The following CBLN2 variants were observed in gnomAD, a reference collection of about 807,000 sequenced individuals.
CBLN2 encodes the protein cerebellin-2.
In CBLN2, 7 loss-of-function variants were observed where a neutral mutation model predicts 15.0. That is an observed-to-expected ratio of 0.47 (90% CI 0.27 to 0.88). The LOEUF (loss-of-function observed/expected upper bound fraction) is 0.88, where lower values mean the gene tolerates loss of function less well. CBLN2 is among the 40% of genes least tolerant of loss of function. CBLN2 has a pLI of 0.14. For missense variants in CBLN2, 242 were observed against 304.5 expected (o/e 0.79, Z 1.53); for synonymous variants, 149 against 135.2 (o/e 1.10, Z -0.71).
intron 3 of CBLN2, among the ~76,000 whole-genome samples, chr18:72,540,989 C>G (rs1449251698): frequency 2.0e-5 from 3 of 152,190 alleles, no homozygotes; most frequent in Non-Finnish European, 2.9e-5. Flanking sequence ...ACCAGGCGAG[C>G]AGGACACAAA....
At chr18:72,606,456 C>T (rs533621962) in intron 1 of CBLN2, among the ~76,000 whole-genome samples, 1 of 152,250 alleles carries the variant, frequency 6.6e-6, no homozygotes, top group East Asian at 1.9e-4. Context: ...AAGATATAGA[C>T]ATATTTGGGC....
chr18:72,620,054 C>G (rs1307656378), intron 1 of CBLN2, among the ~76,000 whole-genome samples: 1 of 152,222 alleles, frequency 6.6e-6, no homozygotes, highest in Non-Finnish European at 1.5e-5. Context: ...CCAGCAGGAA[C>G]AAACTCCATG....
At chr18:72,597,254 A>G (rs2069519294) in intron 1 of CBLN2, among the ~76,000 whole-genome samples, 1 of 152,202 alleles carries the variant, frequency 6.6e-6, no homozygotes, top group African/African-American at 2.4e-5. Flanking sequence ...CATTAGAAGA[A>G]ACTCCAAACA....
At chr18:72,561,754 A>T (rs2069263040) in intron 1 of CBLN2, among the ~76,000 whole-genome samples, 1 of 152,200 alleles carries the variant, frequency 6.6e-6, no homozygotes, top group Non-Finnish European at 1.5e-5. Flanking sequence ...ACTATAACGT[A>T]TTGCTTATTT....
intron 1 of CBLN2, among the ~76,000 whole-genome samples, chr18:72,561,139 T>C (rs929838586): frequency 6.7e-6 from 1 of 149,332 alleles, no homozygotes; most frequent in African/African-American, 2.5e-5. Flanking sequence ...TATACATATA[T>C]ACACATACAC....
chr18:72,625,951 A>G (rs967183149), intron 1 of CBLN2, among the ~76,000 whole-genome samples: 3 of 151,162 alleles, frequency 2.0e-5, no homozygotes, highest in Non-Finnish European at 4.4e-5. Context: ...AGTTGTGCAG[A>G]AAGCACAATT....
Position 72,614,289 on chromosome 18 carries a change from G to C in CBLN2, c.15+24036C>G, listed in dbSNP as rs72634456. On this transcript the variant is annotated intron_variant, in intron 1 of 2. Transcript: ENST00000581073. The stretch of plus-strand genomic sequence containing the variant: ...ATTTAAATAAATTAACCAAATTTCA[G>C]AATTAAAATAGGTAACACATCGAAC... 0.033 allele frequency among the ~76,000 whole-genome samples: 5,084 copies of C among 152,100 alleles called. 573 individuals carry two copies. The East Asian group carries it at 0.44, about 13-fold the overall frequency.
intron 1 of CBLN2, among the ~76,000 whole-genome samples, chr18:72,615,090 TATAA>T (rs1394075040): frequency 7.3e-5 from 10 of 137,074 alleles, no homozygotes; most frequent in Non-Finnish European, 1.5e-4. Flanking sequence ...AGAAAATATA[TATAA>T]ATATATTTAT....
chr18:72,627,661 G>C (rs2069749140), intron 1 of CBLN2, among the ~76,000 whole-genome samples: 1 of 152,224 alleles, frequency 6.6e-6, no homozygotes, highest in South Asian at 2.1e-4. Flanking sequence ...GAATAAGAGG[G>C]AGTGATCAAA....
At chr18:72,556,571 T>C (rs2069228113) in intron 1 of CBLN2, among the ~76,000 whole-genome samples, 1 of 152,198 alleles carries the variant, frequency 6.6e-6, no homozygotes, top group Non-Finnish European at 1.5e-5. Context: ...GAGGTGGTAA[T>C]TGCTCAGCAT....
chr18:72,623,645 G>T (rs367777916), intron 1 of CBLN2, among the ~76,000 whole-genome samples: 29 of 152,190 alleles, frequency 1.9e-4, no homozygotes, highest in African/African-American at 6.7e-4. Flanking sequence ...GCCTGAGTTT[G>T]CCCTGGACAA....
intron 3 of CBLN2, among the ~76,000 whole-genome samples, chr18:72,541,346 A>T (rs2069109337): frequency 6.6e-6 from 1 of 151,868 alleles, no homozygotes; most frequent in Non-Finnish European, 1.5e-5. Context: ...AAGCAATAGG[A>T]ATGTATTTTC....
chr18:72,615,781 T>C (rs1255904865), intron 1 of CBLN2, among the ~76,000 whole-genome samples: 1 of 152,162 alleles, frequency 6.6e-6, no homozygotes, highest in Admixed American at 6.6e-5. Flanking sequence ...ATATAACAAA[T>C]GATGCACTCT....
chr18:72,559,280 G>T (rs1180786959), intron 1 of CBLN2, among the ~76,000 whole-genome samples: 3 of 152,178 alleles, frequency 2.0e-5, no homozygotes, highest in Non-Finnish European at 4.4e-5. Context: ...TTCAGGATTT[G>T]CAAGTTCCCT....
intron 1 of CBLN2, among the ~76,000 whole-genome samples, chr18:72,633,090 C>T (rs1049841405): frequency 2.0e-5 from 3 of 152,094 alleles, no homozygotes; most frequent in South Asian, 4.1e-4. Flanking sequence ...TATAAAAAGT[C>T]GGGTATGTAC....
intron 1 of CBLN2, among the ~76,000 whole-genome samples, chr18:72,554,402 G>A (rs2069210835): frequency 6.6e-6 from 1 of 152,026 alleles, no homozygotes; most frequent in South Asian, 2.1e-4. Flanking sequence ...TATTTTTGAA[G>A]TTATTCTAAC....
At chr18:72,581,426 T>C (rs1045046460) in intron 1 of CBLN2, among the ~76,000 whole-genome samples, 1 of 152,216 alleles carries the variant, frequency 6.6e-6, no homozygotes, top group African/African-American at 2.4e-5. Flanking sequence ...CTTATGGATG[T>C]TATAATAAAT....
At chr18:72,584,233 G>C (rs988993947) in intron 1 of CBLN2, among the ~76,000 whole-genome samples, 1 of 151,818 alleles carries the variant, frequency 6.6e-6, no homozygotes, top group Non-Finnish European at 1.5e-5. Flanking sequence ...TGAACTCTTA[G>C]TCAGTGGCCT....
At chr18:72,560,314 G>T (rs2069252017) in intron 1 of CBLN2, among the ~76,000 whole-genome samples, 1 of 152,206 alleles carries the variant, frequency 6.6e-6, no homozygotes, top group African/African-American at 2.4e-5. Flanking sequence ...TAAGGTGCAT[G>T]AGTGATCACA....
Sources: gnomAD v4.1 joint callset for allele counts (sites outside exome capture counted in the v4.1 genomes callset) on GRCh38, gnomAD v4.1.1 for gene constraint, MANE v1.5 for transcripts, NCBI Gene and HGNC (gene_info 2026-07-23, HGNC 2026-07-21) for gene names.